The following SHLD1 variants were observed in gnomAD, a reference collection of about 807,000 sequenced individuals.
The protein encoded by SHLD1 is RINN1-REV7-interacting novel NHEJ regulator 3.
SHLD1 carries 3 observed loss-of-function variants against 5.5 expected under a neutral mutation model. The observed-to-expected ratio is 0.54, with a 90% CI of 0.25 to 1.40. SHLD1 has a LOEUF of 1.40. Among genes scored for constraint, SHLD1 ranks in the 40% most tolerant of loss-of-function variants. The probability of loss-of-function intolerance (pLI) is 0.15; values close to 1 mark genes in which losing one functional copy is unlikely to be tolerated. For synonymous variants in SHLD1, 92 were observed against 94.3 expected (o/e 0.98, Z 0.14); for missense variants, 210 against 244.4 (o/e 0.86, Z 0.94).
At chr20:5,771,317 C>T (rs1465057030) in intron 1 of SHLD1, among the ~76,000 whole-genome samples, 1 of 152,208 alleles carries the variant, frequency 6.6e-6, no homozygotes, top group Admixed American at 6.5e-5. Flanking sequence ...TAATCTACTT[C>T]TTCAAGTCTG....
chr20:5,775,500 G>A (rs1441990270), intron 2 of SHLD1, among the ~76,000 whole-genome samples: 2 of 152,180 alleles, frequency 1.3e-5, no homozygotes, highest in East Asian at 3.8e-4. Flanking sequence ...TTGGTTGACA[G>A]CTCTAAAAAT....
At chr20:5,784,970 G>A (rs947086935) in intron 2 of SHLD1, among the ~76,000 whole-genome samples, 1 of 152,192 alleles carries the variant, frequency 6.6e-6, no homozygotes, top group African/African-American at 2.4e-5. Context: ...TATCTGCCGA[G>A]TCCAGGTGCA....
chr20:5,808,506 A>T (rs943348056), intron 2 of SHLD1, among the ~76,000 whole-genome samples: 1 of 152,096 alleles, frequency 6.6e-6, no homozygotes, highest in Non-Finnish European at 1.5e-5. Flanking sequence ...CCCTTTTTTC[A>T]CTTATTGCTA....
intron 2 of SHLD1, among the ~76,000 whole-genome samples, chr20:5,786,695 C>G (rs1485252647): frequency 3.9e-5 from 6 of 152,200 alleles, no homozygotes; most frequent in Admixed American, 3.9e-4. Context: ...GAGCGCTGCT[C>G]AGAGAGGCCA....
chr20:5,833,954 C>T (rs2087760777), intron 2 of SHLD1, among the ~76,000 whole-genome samples: 1 of 152,188 alleles, frequency 6.6e-6, no homozygotes, highest in African/African-American at 2.4e-5. Context: ...TTCTGGAACC[C>T]CATTCATCTC....
chr20:5,750,679 T>G (rs557505383), intron 1 of SHLD1, among the ~76,000 whole-genome samples, 200 bp downstream of exon 1: 74 of 152,064 alleles, frequency 4.9e-4, no homozygotes, highest in African/African-American at 1.7e-3. Context: ...AATTTGTGGA[T>G]AGTGAGTATG....
At chr20:5,754,087 CAG>C (rs1983920755) in intron 1 of SHLD1, among the ~76,000 whole-genome samples, 2 of 152,074 alleles carry the variant, frequency 1.3e-5, no homozygotes, top group Non-Finnish European at 2.9e-5. Context: ...CTTATTGCCA[CAG>C]AGTCTGTTTT....
chr20:5,779,512 TG>T (rs1206496951), intron 2 of SHLD1, among the ~76,000 whole-genome samples: 3 of 152,332 alleles, frequency 2.0e-5, no homozygotes, highest in Admixed American at 2.0e-4. Flanking sequence ...CTGATGACTC[TG>T]GATCTATTGT....
chr20:5,789,208 CTTTTTT>C (rs10545298), intron 2 of SHLD1, among the ~76,000 whole-genome samples: 2 of 141,968 alleles, frequency 1.4e-5, no homozygotes, highest in Non-Finnish European at 1.5e-5. Flanking sequence ...AAAAGTTGTG[CTTTTTT>C]TTTTTTTTTT....
rs1010206295 is a variant in SHLD1, at chr20:5,849,881, C to T, written c.179-13143C>T. Among the ~76,000 whole-genome samples the T allele has an allele frequency of 1.0e-4, 15 of 148,326 alleles. No homozygotes were observed. In the East Asian group the frequency reaches 2.4e-3, roughly 24 times the overall value. On this transcript the variant is annotated intron_variant, in intron 2 of 2. Coordinates refer to ENST00000303142, the MANE Select transcript of SHLD1 (RefSeq NM_152504.4). ...GGCTGAGGCAGGAGAATGGCGTGAA[C>T]CCGGGAAGCGGAGCTTGCAGTGAGC... is the stretch of plus-strand genomic sequence containing the variant.
chr20:5,851,197 A>T (rs74956438), intron 2 of SHLD1, among the ~76,000 whole-genome samples: 3,892 of 152,264 alleles, frequency 0.026, 96 homozygotes, highest in Admixed American at 0.066. Context: ...AACTATAAAG[A>T]ATGTCTATCC....
At chr20:5,854,491 TC>T (rs1485746689) in intron 2 of SHLD1, among the ~76,000 whole-genome samples, 1 of 152,100 alleles carries the variant, frequency 6.6e-6, no homozygotes, top group Non-Finnish European at 1.5e-5. Context: ...GTAGAAGCAT[TC>T]CTCCTTAAGT....
chr20:5,841,268 T>C (rs117598827), intron 2 of SHLD1, among the ~76,000 whole-genome samples: 2,763 of 152,250 alleles, frequency 0.018, 51 homozygotes, highest in Middle Eastern at 0.031. Context: ...GTAAAGTACA[T>C]AAATCTTATG....
At chr20:5,779,746 GTA>G (rs1352298501) in intron 2 of SHLD1, among the ~76,000 whole-genome samples, 4 of 152,132 alleles carry the variant, frequency 2.6e-5, no homozygotes, top group African/African-American at 9.7e-5. Flanking sequence ...GCCCATCCTG[GTA>G]TTTACTCAGT....
chr20:5,759,637 G>A (rs1044586639), intron 1 of SHLD1, among the ~76,000 whole-genome samples: 8 of 152,070 alleles, frequency 5.3e-5, no homozygotes, highest in Admixed American at 2.6e-4. Context: ...GAGCTCAAGT[G>A]ATCCTCCCAC....
chr20:5,824,711 C>A (rs576163142), intron 2 of SHLD1, among the ~76,000 whole-genome samples: 1 of 151,602 alleles, frequency 6.6e-6, no homozygotes, highest in Non-Finnish European at 1.5e-5. Flanking sequence ...AAAAATGTAC[C>A]CAAGGAACAA....
intron 2 of SHLD1, among the ~76,000 whole-genome samples, chr20:5,805,479 A>G (rs1312857585): frequency 1.3e-5 from 2 of 152,110 alleles, no homozygotes; most frequent in Non-Finnish European, 2.9e-5. Flanking sequence ...TTATGAAATT[A>G]GGCCATTCTA....
chr20:5,800,144 A>G (rs1286685053), intron 2 of SHLD1, among the ~76,000 whole-genome samples: 1 of 152,214 alleles, frequency 6.6e-6, no homozygotes, highest in African/African-American at 2.4e-5. Flanking sequence ...GCATGATACA[A>G]TGCACAGTGC....
At chr20:5,765,698 C>T (rs1387738807) in intron 1 of SHLD1, among the ~76,000 whole-genome samples, 1 of 151,894 alleles carries the variant, frequency 6.6e-6, no homozygotes, top group African/African-American at 2.4e-5. Flanking sequence ...TTTAATCTGC[C>T]TCCACTTCTG....
Sources: allele counts gnomAD v4.1 joint callset (sites outside exome capture counted in the v4.1 genomes callset), GRCh38; gene constraint gnomAD v4.1.1; transcripts MANE v1.5; gene names NCBI Gene and HGNC (gene_info 2026-07-23, HGNC 2026-07-21).